The following SRD5A3 variants were observed in gnomAD, a reference collection of about 807,000 sequenced individuals.
The protein encoded by SRD5A3 is steroid 5 alpha-reductase 3, also known as polyprenal reductase.
A neutral mutation model predicts 34.3 loss-of-function variants in SRD5A3; 24 were observed. The observed-to-expected ratio is 0.70, with a 90% CI of 0.51 to 0.99. The LOEUF is 0.99. Ranked by LOEUF, SRD5A3 falls within the 50% of genes least tolerant of loss-of-function variation. The pLI is 0.00. For missense variants in SRD5A3, 350 were observed against 388.2 expected (o/e 0.90, Z 0.83); for synonymous variants, 161 against 167.3 (o/e 0.96, Z 0.29).
chr4:55,362,938 C>G (rs560531594), intron 2 of SRD5A3, among the ~76,000 whole-genome samples: 5 of 151,196 alleles, frequency 3.3e-5, no homozygotes, highest in African/African-American at 1.2e-4. Flanking sequence ...CTCCACCTCC[C>G]AGGTTCAAGC....
intron 2 of SRD5A3, among the ~76,000 whole-genome samples, chr4:55,361,586 G>A (rs1049338841): frequency 6.6e-6 from 1 of 151,916 alleles, no homozygotes. Flanking sequence ...TGGATCACTT[G>A]AGGTCAGGAG....
intron 4 of SRD5A3, among the ~76,000 whole-genome samples, chr4:55,368,649 A>G (rs1051469667): frequency 6.6e-6 from 1 of 151,686 alleles, no homozygotes; most frequent in Non-Finnish European, 1.5e-5. Flanking sequence ...TGGTCTCGAA[A>G]TCCTGACCTC....
In SRD5A3 at chr4:55,358,406, C is replaced by G. The variant is rs140156938; in HGVS notation, c.222-940C>G. Among the ~76,000 whole-genome samples the G allele has an allele frequency of 1.5e-3, 223 of 152,042 alleles. 1 individual carries two copies. Among genetic ancestry groups the G allele is most frequent in the African/African-American group, 5.0e-3 (208 of 41,458 alleles). On this transcript the variant is annotated intron_variant, in intron 1 of 4. Coordinates refer to ENST00000264228, the MANE Select transcript of SRD5A3 (RefSeq NM_024592.5). ...ATTAGCCAGGCATGGTGGACTACTA[C>G]AAGCCTGTGGTCCCAGCTACTTGGA...
intron 4 of SRD5A3, among the ~76,000 whole-genome samples, chr4:55,368,646 GA>G (rs1186093702): frequency 6.6e-6 from 1 of 151,716 alleles, no homozygotes; most frequent in Non-Finnish European, 1.5e-5. Flanking sequence ...GGGTGGTCTC[GA>G]AATCCTGACC....
chr4:55,361,776 C>T (rs564917911), intron 2 of SRD5A3, among the ~76,000 whole-genome samples: 1 of 152,192 alleles, frequency 6.6e-6, no homozygotes, highest in South Asian at 2.1e-4. Flanking sequence ...TGCACTCCAG[C>T]CTGTGCCACA....
chr4:55,369,730 CA>C lies in SRD5A3; in HGVS notation c.698-85del, dbSNP rs3034884. On this transcript the variant is annotated intron_variant, in intron 4 of 4. Transcript: ENST00000264228. The stretch of plus-strand genomic sequence containing the variant: ...TGGACAACAGAGCAAGACTTTGCCT[CA>C]AAAAAAAAAAAAAAAATTCTGTAAA... 192,203 of 1,206,020 alleles carry C rather than the reference CA, an allele frequency of 0.16. 375 individuals carry two copies. The highest frequency in any genetic ancestry group is 0.22 in the East Asian group (7,569 of 34,872). The allele number at this position is 1,206,020 out of a possible 1,614,324, so 74.7% of individuals were successfully genotyped here.
chr4:55,372,895 C>T lies in SRD5A3; in HGVS notation c.*2804C>T, dbSNP rs886059484. ...TCTCTACAAAGCTGTGCCCTGTATT[C>T]GATTTTTACTTCAATGAGTGGTTAT... On this transcript the variant is annotated 3_prime_UTR_variant, in exon 5 of 5. Coordinates refer to ENST00000264228, the MANE Select transcript of SRD5A3 (RefSeq NM_024592.5). 6.7e-5 allele frequency: 10 copies of T among 149,694 alleles called. No individual in the cohort carries two copies. The highest frequency in any genetic ancestry group is 1.3e-4 in the Non-Finnish European group (9 of 67,784). 9.3% of individuals were successfully genotyped at this position (149,694 alleles called of 1,614,324 possible).
intron 2 of SRD5A3, 72 bp from the exon 3 acceptor site, chr4:55,364,002 C>T: frequency 2.0e-6 from 3 of 1,477,794 alleles, no homozygotes; most frequent in Non-Finnish European, 2.8e-6. Flanking sequence ...CTTTGCTTAA[C>T]AGTACAGAAA....
intron 2 of SRD5A3, among the ~76,000 whole-genome samples, chr4:55,360,214 C>CAA (rs11453145): frequency 2.2e-3 from 310 of 139,626 alleles, no homozygotes; most frequent in African/African-American, 5.5e-3. Flanking sequence ...GACTGTGTTT[C>CAA]AAAAAAAAAA....
At chr4:55,355,678 G>C (rs1169967888) in intron 1 of SRD5A3, among the ~76,000 whole-genome samples, 1 of 152,138 alleles carries the variant, frequency 6.6e-6, no homozygotes, top group African/African-American at 2.4e-5. Flanking sequence ...GGCTGGAAAA[G>C]CAAGTTCAGG....
At position 55,372,845 on chromosome 4, in the gene SRD5A3, A is replaced by T. The variant is rs1720173919; in HGVS notation, c.*2754A>T. 1 of 151,434 alleles carries T rather than the reference A, an allele frequency of 6.6e-6. No individual in the cohort carries two copies. Among genetic ancestry groups the T allele is most frequent in the Non-Finnish European group, 1.5e-5 (1 of 67,944 alleles). 9.4% of individuals were successfully genotyped at this position (151,434 alleles called of 1,614,324 possible). ...TGTGAAGCTCATCCTATACACTAAC[A>T]TTTGCTTAACCATGGATTATTTTGT... is the stretch of plus-strand genomic sequence containing the variant. On this transcript the variant is annotated 3_prime_UTR_variant, in exon 5 of 5. Coordinates refer to ENST00000264228, the MANE Select transcript of SRD5A3 (RefSeq NM_024592.5).
At chr4:55,365,223 A>G (rs770652775) in intron 3 of SRD5A3, among the ~76,000 whole-genome samples, 15 of 151,872 alleles carry the variant, frequency 9.9e-5, no homozygotes, top group Non-Finnish European at 1.3e-4. Flanking sequence ...ATCCTTGTAA[A>G]CTCAGGCTGA....
At chr4:55,357,442 C>T (rs903686057) in intron 1 of SRD5A3, among the ~76,000 whole-genome samples, 5 of 152,224 alleles carry the variant, frequency 3.3e-5, no homozygotes, top group African/African-American at 9.6e-5. Flanking sequence ...CTGTGCTCCA[C>T]GAGGCTCAGA....
At chr4:55,365,771 AT>A (rs1194390165) in intron 3 of SRD5A3, 2 of 152,164 alleles carry the variant, frequency 1.3e-5, no homozygotes, top group Non-Finnish European at 2.9e-5. Flanking sequence ...ATCTGGGATC[AT>A]TTAGGACAAT....
chr4:55,370,202 T>C lies in SRD5A3; in HGVS notation c.*111T>C. 7.0e-7 allele frequency: 1 copy of C among 1,426,276 alleles called. No individual in the cohort carries two copies. 88.4% of individuals were successfully genotyped at this position (1,426,276 alleles called of 1,614,324 possible). ...AGCAAAGCTGTTTGAAACTCTCCAT[T>C]CCATTTCTATACCCCACAAGTTTTC... is the stretch of plus-strand genomic sequence containing the variant. On this transcript the variant is annotated 3_prime_UTR_variant, in exon 5 of 5. Transcript: ENST00000264228.
chr4:55,357,340 C>G (rs898271228), intron 1 of SRD5A3, among the ~76,000 whole-genome samples: 1 of 152,196 alleles, frequency 6.6e-6, no homozygotes, highest in Non-Finnish European at 1.5e-5. Context: ...AAATTAAGTA[C>G]GTAAAGTGGC....
chr4:55,362,089 G>T (rs144288306), intron 2 of SRD5A3, among the ~76,000 whole-genome samples: 1 of 151,674 alleles, frequency 6.6e-6, no homozygotes, highest in African/African-American at 2.4e-5. Context: ...TGGGGGAGGG[G>T]TCGTGCCTAC....
At chr4:55,355,229 C>T (rs1018286076) in intron 1 of SRD5A3, among the ~76,000 whole-genome samples, 4 of 152,004 alleles carry the variant, frequency 2.6e-5, no homozygotes, top group East Asian at 1.9e-4. Flanking sequence ...GAGGCCGAGG[C>T]GGGTGGATCA....
At chr4:55,364,389 T>A in intron 3 of SRD5A3, 118 bp downstream of exon 3, 2 of 1,223,438 alleles carry the variant, frequency 1.6e-6, no homozygotes, top group Non-Finnish European at 2.4e-6. Flanking sequence ...GCCCAATGCA[T>A]TTTGCATTTC....
Sources: allele counts gnomAD v4.1 joint callset (sites outside exome capture counted in the v4.1 genomes callset), GRCh38; gene constraint gnomAD v4.1.1; transcripts MANE v1.5; gene names NCBI Gene and HGNC (gene_info 2026-07-23, HGNC 2026-07-21).